The following LHPP variants were observed in gnomAD, a reference collection of about 807,000 sequenced individuals.
The protein encoded by LHPP is phospholysine phosphohistidine inorganic pyrophosphate phosphatase, also known as hLHPP.
LHPP carries 24 observed loss-of-function variants against 30.3 expected under a neutral mutation model. That is an observed-to-expected ratio of 0.79 (90% CI 0.57 to 1.11). The LOEUF is 1.11. Among genes scored for constraint, LHPP ranks in the 50% most tolerant of loss-of-function variants. The pLI, the probability that LHPP is intolerant of heterozygous loss-of-function variation, is 0.00. For synonymous variants in LHPP, 150 were observed against 157.1 expected (o/e 0.95, Z 0.34); for missense variants, 356 against 367.2 (o/e 0.97, Z 0.25).
At chr10:124,484,093 A>G (rs772588793) in intron 1 of LHPP, 46 bp from the exon 2 acceptor site, 127 of 1,587,418 alleles carry the variant, frequency 8.0e-5, no homozygotes, top group Non-Finnish European at 1.1e-4. Flanking sequence ...CAGAGGCCCA[A>G]CACTCCACGT....
intron 6 of LHPP, among the ~76,000 whole-genome samples, chr10:124,561,379 C>G (rs936175863): frequency 6.6e-6 from 1 of 152,064 alleles, no homozygotes; most frequent in African/African-American, 2.4e-5. Context: ...ATGAGGTCCC[C>G]CAGCTGGAGC....
chr10:124,535,312 C>T (rs1012565459), intron 6 of LHPP, among the ~76,000 whole-genome samples: 1 of 152,204 alleles, frequency 6.6e-6, no homozygotes. Context: ...AGTCGAACTC[C>T]GTCATCTATG....
chr10:124,598,678 C>T (rs1045845478), intron 6 of LHPP, among the ~76,000 whole-genome samples: 5 of 151,642 alleles, frequency 3.3e-5, no homozygotes, highest in Admixed American at 3.3e-4. Flanking sequence ...CACCTGTCCA[C>T]CCTGATGCAG....
At chr10:124,525,168 G>A (rs555838648) in intron 6 of LHPP, among the ~76,000 whole-genome samples, 13 of 152,282 alleles carry the variant, frequency 8.5e-5, no homozygotes, top group South Asian at 4.1e-4. Flanking sequence ...ACACTGTACC[G>A]TTGAGCTGTG....
At chr10:124,477,717 C>T (rs1391981340) in intron 1 of LHPP, among the ~76,000 whole-genome samples, 1 of 152,188 alleles carries the variant, frequency 6.6e-6, no homozygotes, top group Non-Finnish European at 1.5e-5. Flanking sequence ...AGGAAAGGGC[C>T]AGTCACTGCC....
At chr10:124,561,640 C>T (rs1564831730) in intron 6 of LHPP, among the ~76,000 whole-genome samples, 1 of 151,726 alleles carries the variant, frequency 6.6e-6, no homozygotes, top group Non-Finnish European at 1.5e-5. Context: ...GAGAGCACCT[C>T]CCCCACCTCA....
At chr10:124,538,135 G>A (rs182320268) in intron 6 of LHPP, among the ~76,000 whole-genome samples, 11 of 150,914 alleles carry the variant, frequency 7.3e-5, no homozygotes, top group Admixed American at 2.0e-4. Context: ...GTCACCACAC[G>A]AGTCTCACCA....
chr10:124,479,317 T>TTGCTGGGG (rs1953054001), intron 1 of LHPP, among the ~76,000 whole-genome samples: 2 of 152,314 alleles, frequency 1.3e-5, no homozygotes, highest in South Asian at 4.1e-4. Context: ...TCTGCAAGCC[T>TTGCTGGGG]TGCTGGGGTC....
intron 6 of LHPP, among the ~76,000 whole-genome samples, chr10:124,536,105 A>G (rs1289560718): frequency 6.6e-6 from 1 of 152,244 alleles, no homozygotes; most frequent in East Asian, 1.9e-4. Flanking sequence ...CAGGCCTGTA[A>G]GGTGGGGGCT....
chr10:124,570,234 C>G (rs1307051294), intron 6 of LHPP, among the ~76,000 whole-genome samples: 1 of 152,180 alleles, frequency 6.6e-6, no homozygotes, highest in Admixed American at 6.5e-5. Flanking sequence ...CAGCCCTCCT[C>G]TGGGCCCTCA....
intron 6 of LHPP, chr10:124,526,114 T>G: frequency 1.1e-6 from 1 of 909,062 alleles, no homozygotes; most frequent in African/African-American, 1.8e-5. Context: ...GGACAGGGAT[T>G]GAGGGAGCGT....
At chr10:124,469,517 G>A (rs1217024228) in intron 1 of LHPP, among the ~76,000 whole-genome samples, 1 of 152,028 alleles carries the variant, frequency 6.6e-6, no homozygotes, top group African/African-American at 2.4e-5. Context: ...AGGTGGGGGG[G>A]GCTTCCTCTT....
intron 6 of LHPP, among the ~76,000 whole-genome samples, chr10:124,562,793 A>G (rs550709761): frequency 1.3e-5 from 2 of 152,200 alleles, no homozygotes; most frequent in East Asian, 1.9e-4. Context: ...TTACCTAGGC[A>G]TGATGGTGCT....
chr10:124,502,437 T>C (rs1459038402), intron 5 of LHPP, among the ~76,000 whole-genome samples: 1 of 151,522 alleles, frequency 6.6e-6, no homozygotes, highest in Non-Finnish European at 1.5e-5. Flanking sequence ...CTGTCTCAGC[T>C]CACTGCAAGC....
In LHPP at chr10:124,496,870, G is replaced by A; in HGVS notation, c.468-91G>A. ...CCGCGGCTTGGCTCTGCAGCCAGCG[G>A]GACAGGCCCGGTGCTCAGCTCCCGA... On this transcript the variant is annotated intron_variant, in intron 3 of 6. Coordinates refer to ENST00000368842, the MANE Select transcript of LHPP (RefSeq NM_022126.4). The surrounding 1 kb of genome is among the most constrained non-coding windows in gnomAD (Gnocchi z 4.3). 2 of 1,194,228 alleles carry A rather than the reference G, an allele frequency of 1.7e-6. No homozygotes were observed. The highest frequency in any genetic ancestry group is 2.4e-6 in the Non-Finnish European group (2 of 825,130). 74.0% of individuals were successfully genotyped at this position (1,194,228 alleles called of 1,614,324 possible).
In LHPP at chr10:124,590,378, G is replaced by A. The variant is rs868074268; in HGVS notation, c.717-22886G>A. Among the ~76,000 whole-genome samples, 24 of 152,250 alleles carry A rather than the reference G, an allele frequency of 1.6e-4. 1 individual carries two copies. In the South Asian group the frequency reaches 2.9e-3, roughly 18 times the overall value. ...GCAACCTTTCTTGGGCTCTGAAGGC[G>A]CCTCTCATCCTCTGAGCCAAGAAGA... On this transcript the variant is annotated intron_variant, in intron 6 of 6. Transcript: ENST00000368842. This position sits in a 1 kb window ranked among gnomAD's most constrained non-coding sequence, Gnocchi z 4.3.
At chr10:124,516,921 A>T (rs1589820687) in intron 5 of LHPP, among the ~76,000 whole-genome samples, 1 of 152,276 alleles carries the variant, frequency 6.6e-6, no homozygotes, top group Admixed American at 6.5e-5. Context: ...GGGGCGCCAA[A>T]TCACTTTGAC....
At chr10:124,607,067 C>T (rs957862860) in intron 6 of LHPP, among the ~76,000 whole-genome samples, 1 of 152,220 alleles carries the variant, frequency 6.6e-6, no homozygotes, top group Admixed American at 6.5e-5. Context: ...CTGTCTCTTC[C>T]TCCTCCTCCA....
intron 6 of LHPP, among the ~76,000 whole-genome samples, chr10:124,564,967 G>A (rs1360486650): frequency 2.6e-5 from 4 of 152,152 alleles, no homozygotes; most frequent in African/African-American, 9.7e-5. Flanking sequence ...CTATGAAGAC[G>A]CAAAGGCATG....
Sources: allele counts gnomAD v4.1 joint callset (sites outside exome capture counted in the v4.1 genomes callset), GRCh38; gene constraint gnomAD v4.1.1; non-coding constraint Gnocchi (gnomAD v3.1); transcripts MANE v1.5; gene names NCBI Gene and HGNC (gene_info 2026-07-23, HGNC 2026-07-21).